Variants in RARB observed in about 807,000 individuals in gnomAD.
The protein encoded by RARB is HBV-activated protein.
In RARB, 17 loss-of-function variants were observed where a neutral mutation model predicts 51.9. That is an observed-to-expected ratio of 0.33 (90% confidence interval 0.22 to 0.49). RARB has a LOEUF of 0.49. RARB is among the 20% of genes least tolerant of loss of function. The pLI is 0.99. For synonymous variants in RARB, 215 were observed against 195.4 expected (o/e 1.10, Z -0.84); for missense variants, 369 against 550.8 (o/e 0.67, Z 3.30).
intron 5 of RARB, among the ~76,000 whole-genome samples, chr3:25,264,513 A>T (rs61228958): frequency 0.1 from 15,639 of 152,216 alleles, 993 homozygotes; most frequent in South Asian, 0.25. Flanking sequence ...AGCTTTCTTA[A>T]GATTAACTTA....
intron 2 of RARB, among the ~76,000 whole-genome samples, chr3:25,480,551 G>T (rs1490792557): frequency 6.6e-6 from 1 of 152,140 alleles, no homozygotes; most frequent in African/African-American, 2.4e-5. Flanking sequence ...GTCCTTGAAA[G>T]TATGGCAAGG....
chr3:25,447,127 A>G (rs781352911), intron 1 of RARB, among the ~76,000 whole-genome samples: 1 of 152,232 alleles, frequency 6.6e-6, no homozygotes, highest in Non-Finnish European at 1.5e-5. Context: ...CCCCCGCCAT[A>G]TAAAGTGTGC....
At chr3:25,294,563 G>A (rs1339042161) in intron 5 of RARB, among the ~76,000 whole-genome samples, 1 of 152,126 alleles carries the variant, frequency 6.6e-6, no homozygotes, top group African/African-American at 2.4e-5. Flanking sequence ...CAGGCTGAAG[G>A]GACTACAGGA....
Position 25,475,261 on chromosome 3 carries a change from C to T in RARB, c.306+13920C>T, listed in dbSNP as rs191364561. Among the ~76,000 whole-genome samples the T allele has an allele frequency of 6.6e-3, 1,006 of 152,126 alleles. 5 individuals are homozygous for T. The highest frequency in any genetic ancestry group is 0.011 in the Non-Finnish European group (744 of 68,002). On this transcript the variant is annotated intron_variant, in intron 2 of 7. Coordinates refer to ENST00000330688, the MANE Select transcript of RARB (RefSeq NM_000965.5). Reference sequence around the variant, plus strand: ...CTTATTTCTTATGAGCTCTGGGCCTCAGAAAGAATATTTCTGTTCTCCACT... The same window carrying T: ...CTTATTTCTTATGAGCTCTGGGCCTTAGAAAGAATATTTCTGTTCTCCACT...
At chr3:25,087,328 T>C (rs1699122185) in intron 3 of RARB, among the ~76,000 whole-genome samples, 1 of 152,164 alleles carries the variant, frequency 6.6e-6, no homozygotes, top group South Asian at 2.1e-4. Context: ...ATTTTATTTT[T>C]TGATTTACAG....
At chr3:25,437,442 G>T (rs957758697) in intron 1 of RARB, among the ~76,000 whole-genome samples, 1 of 152,154 alleles carries the variant, frequency 6.6e-6, no homozygotes, top group Non-Finnish European at 1.5e-5. Flanking sequence ...TGTCTGCCAT[G>T]TGCCAGGCTC....
At chr3:24,840,714 A>C (rs1702409658) in intron 1 of RARB, among the ~76,000 whole-genome samples, 1 of 146,874 alleles carries the variant, frequency 6.8e-6, no homozygotes, top group African/African-American at 2.5e-5. Flanking sequence ...CTACAGAACC[A>C]TTTTCTTTAG....
chr3:25,362,014 G>A lies in RARB; in HGVS notation c.179-99179G>A, dbSNP rs114975684. Among the ~76,000 whole-genome samples, 345 of 152,286 alleles carry A rather than the reference G, an allele frequency of 2.3e-3. 1 individual carries two copies. The highest frequency in any genetic ancestry group is 7.9e-3 in the African/African-American group (330 of 41,548). ...TTAACAGAGCTTGAGTGCTATGCTG[G>A]GAGATCCACTGCTCTCTTTAGAGCC... On this transcript the variant is annotated intron_variant, in intron 5 of 11. Transcript: ENST00000383772.
intron 1 of RARB, among the ~76,000 whole-genome samples, chr3:24,846,689 C>T (rs574958932): frequency 2.0e-5 from 3 of 152,156 alleles, no homozygotes; most frequent in South Asian, 2.1e-4. Context: ...GGTGGCTTCC[C>T]CTGAGTGGCT....
intron 5 of RARB, among the ~76,000 whole-genome samples, chr3:25,258,632 T>G (rs1312253245): frequency 6.6e-6 from 1 of 152,088 alleles, no homozygotes; most frequent in Non-Finnish European, 1.5e-5. Flanking sequence ...AATAAAATAC[T>G]TAAGACTGAA....
At chr3:24,892,295 C>T (rs2125365043) in intron 2 of RARB, among the ~76,000 whole-genome samples, 1 of 151,026 alleles carries the variant, frequency 6.6e-6, no homozygotes, top group South Asian at 2.1e-4. Context: ...AGAGAATGGG[C>T]TGGAGGTAGG....
At chr3:25,471,962 C>T (rs1695719562) in intron 2 of RARB, among the ~76,000 whole-genome samples, 1 of 152,144 alleles carries the variant, frequency 6.6e-6, no homozygotes, top group Admixed American at 6.5e-5. Context: ...CAGGGCAGGG[C>T]TCAGAGCCCT....
chr3:25,547,257 G>C (rs1699654813), intron 3 of RARB, among the ~76,000 whole-genome samples: 1 of 152,136 alleles, frequency 6.6e-6, no homozygotes, highest in East Asian at 1.9e-4. Context: ...TCCTCCCTGG[G>C]AAAATGAGAA....
At chr3:25,290,749 T>C (rs568545537) in intron 5 of RARB, among the ~76,000 whole-genome samples, 2 of 152,294 alleles carry the variant, frequency 1.3e-5, no homozygotes, top group African/African-American at 4.8e-5. Context: ...CTTTCCTCTC[T>C]CTGTATATAT....
intron 2 of RARB, among the ~76,000 whole-genome samples, chr3:24,943,790 T>G (rs1203860496): frequency 6.6e-6 from 1 of 152,226 alleles, no homozygotes; most frequent in Non-Finnish European, 1.5e-5. Flanking sequence ...ATATCAAAGA[T>G]TAGAATCTGC....
At chr3:25,154,194 G>T (rs1006704988) in intron 4 of RARB, among the ~76,000 whole-genome samples, 1 of 152,058 alleles carries the variant, frequency 6.6e-6, no homozygotes, top group African/African-American at 2.4e-5. Flanking sequence ...ACATCAACCG[G>T]TGCTAATGGA....
At chr3:25,382,175 GATGTTCTTTATTCTCATGGAATAGGT>G (rs1706648345) in intron 5 of RARB, among the ~76,000 whole-genome samples, 1 of 152,116 alleles carries the variant, frequency 6.6e-6, no homozygotes, top group African/African-American at 2.4e-5. Flanking sequence ...AAAACAAAGA[GATGTTCTTTATTCTCATGGAATAGGT>G]AGGCAAGACT....
intron 5 of RARB, among the ~76,000 whole-genome samples, chr3:25,251,894 GC>G (rs1431544376): frequency 1.3e-5 from 2 of 151,928 alleles, no homozygotes; most frequent in African/African-American, 4.8e-5. Flanking sequence ...ATTTGTCTTT[GC>G]TTGTGTTTTT....
At chr3:25,067,993 T>G (rs945427144) in intron 3 of RARB, among the ~76,000 whole-genome samples, 1 of 151,464 alleles carries the variant, frequency 6.6e-6, no homozygotes, top group Non-Finnish European at 1.5e-5. Context: ...AAAAATTAGC[T>G]GCACACAGTG....
Sources: allele counts gnomAD v4.1 joint callset (sites outside exome capture counted in the v4.1 genomes callset), GRCh38; gene constraint gnomAD v4.1.1; transcripts MANE v1.5; gene names NCBI Gene and HGNC (gene_info 2026-07-23, HGNC 2026-07-21).